Variants in PAPPA2 observed in about 807,000 individuals in gnomAD.
PAPPA2 encodes the protein pappalysin 2, also known as pappalysin-2.
PAPPA2 carries 86 observed loss-of-function variants against 176.4 expected under a neutral mutation model. The observed-to-expected ratio is 0.49, with a 90% CI of 0.41 to 0.58. The LOEUF (loss-of-function observed/expected upper bound fraction) is 0.58, where lower values mean the gene tolerates loss of function less well. Ranked by LOEUF, PAPPA2 falls within the 20% of genes least tolerant of loss-of-function variation. The pLI is 0.00. For missense variants in PAPPA2, 2,073 were observed against 2,256.9 expected, an observed-to-expected ratio of 0.92 and a Z score of 1.65; for synonymous variants, 809 against 852.2, an observed-to-expected ratio of 0.95 and a Z score of 0.88.
chr1:176,519,265 T>C (rs1301921757), intron 1 of PAPPA2, among the ~76,000 whole-genome samples: 1 of 152,076 alleles, frequency 6.6e-6, no homozygotes, highest in African/African-American at 2.4e-5. Context: ...TCAAGTGCAG[T>C]AGTAGTAGTG....
chr1:176,505,670 A>G (rs1648218070), intron 1 of PAPPA2, among the ~76,000 whole-genome samples: 1 of 152,066 alleles, frequency 6.6e-6, no homozygotes, highest in South Asian at 2.1e-4. Flanking sequence ...CAGCAACAAC[A>G]ACAACAAAAA....
intron 3 of PAPPA2, among the ~76,000 whole-genome samples, chr1:176,601,114 A>G (rs1169807241): frequency 6.6e-6 from 1 of 152,172 alleles, no homozygotes; most frequent in Non-Finnish European, 1.5e-5. Context: ...GCCCTCGTGA[A>G]TGGATTAATG....
chr1:176,623,615 C>CTTTT lies in PAPPA2; in HGVS notation c.1991+28022_1991+28023insTTTT, dbSNP rs869292066. Among the ~76,000 whole-genome samples the CTTTT allele has an allele frequency of 6.1e-3, 706 of 116,492 alleles. 4 individuals carry two copies. The highest frequency in any genetic ancestry group is 9.5e-3 in the Middle Eastern group (2 of 210). The allele number at this position is 116,492 out of a possible 152,430, so 76.4% of individuals were successfully genotyped here. A position where few individuals can be genotyped will look rare whatever the true frequency, so the allele number is the denominator to read the frequency against. ...CCTTCCTTCCTTCCTTCCTTCCTTC[C>CTTTT]TTCCTTCCTTTTTTACTTTCTTTCT... On this transcript the variant is annotated intron_variant, in intron 3 of 22. Transcript: ENST00000367662.
intron 1 of PAPPA2, among the ~76,000 whole-genome samples, chr1:176,495,874 C>G (rs1160565537): frequency 6.6e-6 from 1 of 151,516 alleles, no homozygotes; most frequent in Non-Finnish European, 1.5e-5. Context: ...CTCTAGCGAT[C>G]CTCCCGCTCC....
intron 1 of PAPPA2, among the ~76,000 whole-genome samples, chr1:176,484,364 C>T (rs1652553967): frequency 6.6e-6 from 1 of 152,132 alleles, no homozygotes; most frequent in African/African-American, 2.4e-5. Context: ...ATTCTCTGAG[C>T]TTCCTGGATC....
intron 6 of PAPPA2, among the ~76,000 whole-genome samples, chr1:176,695,188 G>T (rs576631097): frequency 2.0e-5 from 3 of 152,182 alleles, no homozygotes; most frequent in Non-Finnish European, 4.4e-5. Context: ...CTTGTGAAGG[G>T]CCTTGAGACG....
chr1:176,611,996 A>T (rs752656076), intron 3 of PAPPA2, among the ~76,000 whole-genome samples: 5 of 152,232 alleles, frequency 3.3e-5, no homozygotes, highest in Non-Finnish European at 7.3e-5. Context: ...GCTAGTTACA[A>T]CATACCTTTT....
At chr1:176,629,297 T>C (rs975045904) in intron 3 of PAPPA2, among the ~76,000 whole-genome samples, 1 of 152,222 alleles carries the variant, frequency 6.6e-6, no homozygotes, top group African/African-American at 2.4e-5. Flanking sequence ...TATCATCATT[T>C]AATGATTAAT....
At chr1:176,652,581 T>G (rs1657790489) in intron 3 of PAPPA2, among the ~76,000 whole-genome samples, 1 of 151,620 alleles carries the variant, frequency 6.6e-6, no homozygotes, top group Non-Finnish European at 1.5e-5. Context: ...CACTCTGATT[T>G]TGCATCTTCT....
chr1:176,506,009 G>A (rs574933870), intron 1 of PAPPA2, among the ~76,000 whole-genome samples: 2 of 152,138 alleles, frequency 1.3e-5, no homozygotes, highest in East Asian at 3.9e-4. Context: ...GGGCATCTTG[G>A]ATTAATTTGT....
intron 14 of PAPPA2, among the ~76,000 whole-genome samples, chr1:176,745,785 G>A (rs1662880536): frequency 6.6e-6 from 1 of 152,210 alleles, no homozygotes; most frequent in Non-Finnish European, 1.5e-5. Context: ...TTGTGTGGCA[G>A]AGAAGTTTGT....
intron 21 of PAPPA2, among the ~76,000 whole-genome samples, chr1:176,815,013 A>G (rs528217234): frequency 6.6e-6 from 1 of 152,260 alleles, no homozygotes; most frequent in African/African-American, 2.4e-5. Flanking sequence ...GATTTTATTG[A>G]AGGCCTTTTC....
chr1:176,827,664 C>A (rs763678427), intron 21 of PAPPA2, among the ~76,000 whole-genome samples: 97 of 152,226 alleles, frequency 6.4e-4, no homozygotes, highest in Admixed American at 2.3e-3. Context: ...AGTTCAGATT[C>A]TGTATTATGC....
chr1:176,695,643 C>A, intron 6 of PAPPA2, 95 bp from the exon 7 acceptor site: 1 of 1,421,146 alleles, frequency 7.0e-7, no homozygotes, highest in Non-Finnish European at 9.7e-7. Flanking sequence ...CCATCAACCC[C>A]TGCCCTCCCC....
intron 11 of PAPPA2, 105 bp from the exon 12 acceptor site, chr1:176,711,730 A>C (rs890166984): frequency 4.6e-6 from 6 of 1,303,460 alleles, no homozygotes; most frequent in Non-Finnish European, 5.4e-6. Flanking sequence ...ATCATTAGGC[A>C]TTCAGAAAGA....
intron 1 of PAPPA2, among the ~76,000 whole-genome samples, chr1:176,466,082 G>A (rs956234501): frequency 6.6e-6 from 1 of 152,070 alleles, no homozygotes; most frequent in South Asian, 2.1e-4. Flanking sequence ...TAATACATGC[G>A]TGTTTAACAT....
chr1:176,470,397 C>A (rs1303835278), intron 1 of PAPPA2, among the ~76,000 whole-genome samples: 2 of 152,184 alleles, frequency 1.3e-5, no homozygotes, highest in African/African-American at 4.8e-5. Context: ...AAACAGTCTC[C>A]TTCCCTTAGT....
intron 1 of PAPPA2, among the ~76,000 whole-genome samples, chr1:176,491,644 T>C (rs1287996160): frequency 6.6e-6 from 1 of 152,176 alleles, no homozygotes; most frequent in Non-Finnish European, 1.5e-5. Context: ...AAAATAAACA[T>C]TGTTGCTATT....
At chr1:176,595,741 A>G in intron 3 of PAPPA2, 146 bp downstream of exon 3, 1 of 797,438 alleles carries the variant, frequency 1.3e-6, no homozygotes, top group Non-Finnish European at 1.9e-6. Context: ...GCTTTTGTGA[A>G]GTGCTAGGTG....
Sources: gnomAD v4.1 joint callset for allele counts (sites outside exome capture counted in the v4.1 genomes callset) on GRCh38, gnomAD v4.1.1 for gene constraint, MANE v1.5 for transcripts, NCBI Gene and HGNC (gene_info 2026-07-23, HGNC 2026-07-21) for gene names.